The following KANK2 variants were observed in gnomAD, a reference collection of about 807,000 sequenced individuals.
The protein encoded by KANK2 is KN motif and ankyrin repeat domains 2.
Under a neutral mutation model 74.6 loss-of-function variants are expected in KANK2, and 41 were observed. The observed-to-expected ratio is 0.55, with a 90% CI of 0.43 to 0.71. The LOEUF (loss-of-function observed/expected upper bound fraction) is 0.71, where lower values mean the gene tolerates loss of function less well. KANK2 is among the 30% of genes least tolerant of loss of function. The pLI, the probability that KANK2 is intolerant of heterozygous loss-of-function variation, is 0.00. For missense variants in KANK2, 1,148 were observed against 1,196.4 expected, an observed-to-expected ratio of 0.96 and a Z score of 0.60; for synonymous variants, 537 against 519.0, an observed-to-expected ratio of 1.03 and a Z score of -0.47.
chr19:11,194,533 T>C lies in KANK2; in HGVS notation c.-22A>G, dbSNP rs2147637659. On this transcript the variant is annotated 5_prime_UTR_variant, in exon 3 of 13. Coordinates refer to ENST00000586659, the MANE Select transcript of KANK2 (RefSeq NM_001136191.3). ...CCATCTTCTTTTCTACAGATGCTCC[T>C]TGGAAGTCACTTGAGGGACTGCGAG... The C allele has an allele frequency of 1.2e-6, 2 of 1,608,802 alleles. No homozygotes were observed. Among genetic ancestry groups the C allele is most frequent in the African/African-American group, 1.3e-5 (1 of 74,958 alleles).
intron 4 of KANK2, among the ~76,000 whole-genome samples, chr19:11,186,699 CA>C (rs1035018430): frequency 2.7e-5 from 4 of 149,456 alleles, no homozygotes; most frequent in Admixed American, 6.6e-5. Context: ...AACTCTGTCT[CA>C]AAAAAAAAGA....
rs1568654084 is a variant in KANK2 at position 11,193,269 on chromosome 19, C to G, written c.811G>C (p.Val271Leu). Residue 271 changes from valine (V) to leucine (L), a missense_variant, in exon 4 of 13, where the codon GTT becomes CTT. Coordinates refer to ENST00000586659, the MANE Select transcript of KANK2 (RefSeq NM_001136191.3). This position sits in a 1 kb window ranked among gnomAD's most constrained non-coding sequence, Gnocchi z 9.6. Reference protein sequence around the residue: ...ALETRSVGTWVRERDLGMPDG... With the variant: ...ALETRSVGTWLRERDLGMPDG... ...GGCATGCCCAAGTCCCGTTCTCGAACCCAGGTGCCCACACTCCGGGTCTCC... is the reference window on the plus strand; with the variant it reads ...GGCATGCCCAAGTCCCGTTCTCGAAGCCAGGTGCCCACACTCCGGGTCTCC... 1 of 1,611,138 alleles carries G rather than the reference C, an allele frequency of 6.2e-7. No homozygotes were observed. The highest frequency in any genetic ancestry group is 8.5e-7 in the Non-Finnish European group (1 of 1,179,802).
At chr19:11,180,376 T>C (rs1326368214) in intron 4 of KANK2, among the ~76,000 whole-genome samples, 2 of 152,062 alleles carry the variant, frequency 1.3e-5, no homozygotes, top group Non-Finnish European at 2.9e-5. Flanking sequence ...ATTATAGGCA[T>C]GAGCCACTAT....
Position 11,184,232 on chromosome 19 carries a change from A to T in KANK2, c.1250-5512T>A, listed in dbSNP as rs1290946265. On this transcript the variant is annotated intron_variant, in intron 4 of 12. Coordinates refer to ENST00000586659, the MANE Select transcript of KANK2 (RefSeq NM_001136191.3). ...CTCTACTGATAATACAAAAATTAGCAGAGTATGCTGGCAGGCACCTGTAAT... is the reference window on the plus strand; with the variant it reads ...CTCTACTGATAATACAAAAATTAGCTGAGTATGCTGGCAGGCACCTGTAAT... 5.3e-5 allele frequency among the ~76,000 whole-genome samples: 8 copies of T among 150,244 alleles called. 3 individuals are homozygous for T. The highest frequency in any genetic ancestry group is 7.3e-5 in the African/African-American group (3 of 40,834).
intron 4 of KANK2, among the ~76,000 whole-genome samples, 173 bp from the exon 5 acceptor site, chr19:11,178,893 G>A (rs902048065): frequency 2.0e-5 from 3 of 152,196 alleles, no homozygotes; most frequent in Non-Finnish European, 2.9e-5. Context: ...AGGAAACTGA[G>A]GCACAGAGCT....
rs769617642 is a variant in KANK2 at position 11,173,043 on chromosome 19, C to T, written c.2149G>A (p.Asp717Asn). 1.2e-6 allele frequency: 2 copies of T among 1,614,128 alleles called. No homozygotes were observed. Among genetic ancestry groups the T allele is most frequent in the East Asian group, 2.2e-5 (1 of 44,884 alleles). The part of the protein sequence containing the change: ...LTALATLKTQ[D>N]DIETVLQLFR... ...AGCTGAAGGACAGTCTCGATGTCGT[C>T]CTGGGTCTTCAGGGTGGCCAGGGCG... Residue 717 changes from aspartate (D) to asparagine (N), a missense_variant, in exon 10 of 13, where the codon GAC becomes AAC. Asp to Asn is a conservative substitution (Grantham distance 23). Transcript: ENST00000586659.
intron 2 of KANK2, chr19:11,194,907 T>G: frequency 5.5e-6 from 1 of 181,356 alleles, no homozygotes; most frequent in Non-Finnish European, 1.2e-5. Context: ...GCCCCACCCT[T>G]CCTGCACCCC....
At chr19:11,178,223 T>G in intron 6 of KANK2, 122 bp downstream of exon 6, 3 of 857,456 alleles carry the variant, frequency 3.5e-6, no homozygotes, top group Non-Finnish European at 5.0e-6. Context: ...GTGTTGTGGT[T>G]TGATTAAACG....
intron 6 of KANK2, 118 bp downstream of exon 6, chr19:11,178,227 T>G: frequency 4.5e-6 from 4 of 881,602 alleles, no homozygotes; most frequent in Non-Finnish European, 6.4e-6. Context: ...TGTGGTTTGA[T>G]TAAACGAATT....
chr19:11,194,531 C>T lies in KANK2; in HGVS notation c.-20G>A. ...GGCCATCTTCTTTTCTACAGATGCT[C>T]CTTGGAAGTCACTTGAGGGACTGCG... is the stretch of plus-strand genomic sequence containing the variant. On this transcript the variant is annotated 5_prime_UTR_variant, in exon 3 of 13. Transcript: ENST00000586659. 1.9e-6 allele frequency: 3 copies of T among 1,609,338 alleles called. No individual in the cohort carries two copies. The highest frequency in any genetic ancestry group is 2.6e-6 in the Non-Finnish European group (3 of 1,176,374).
At chr19:11,197,663 G>C (rs889721523), upstream of KANK2, 13 of 151,780 alleles carry the variant, frequency 8.6e-5, no homozygotes, top group African/African-American at 1.4e-4. Flanking sequence ...CGGCCGCGGT[G>C]GGGGGTGGGG....
intron 9 of KANK2, among the ~76,000 whole-genome samples, chr19:11,174,228 A>C (rs2078264503): frequency 6.6e-6 from 1 of 152,152 alleles, no homozygotes; most frequent in African/African-American, 2.4e-5. Flanking sequence ...ACCCCACCCC[A>C]TTGAACTGGG....
At chr19:11,183,573 C>T (rs900819320) in intron 4 of KANK2, among the ~76,000 whole-genome samples, 4 of 152,180 alleles carry the variant, frequency 2.6e-5, no homozygotes, top group East Asian at 3.8e-4. Flanking sequence ...ATTCCAGCTT[C>T]GAACTCCTCG....
In KANK2 at chr19:11,192,858, T is replaced by C; in HGVS notation, c.1222A>G (p.Thr408Ala). The change falls in exon 4 of 13, where the codon ACA (threonine) becomes GCA (alanine). Residue 408 changes from threonine (T) to alanine (A), a missense_variant. Thr to Ala is a moderately conservative substitution (Grantham distance 58). Transcript: ENST00000586659. Reference protein sequence around the residue: ...NVHMVKKISITERSCDGAAGL... With the variant: ...NVHMVKKISIAERSCDGAAGL... ...GCTGCTCCATCGCAGCTTCGCTCTG[T>C]GATGCTAATCTTCTTCACCATATGG... is the stretch of plus-strand genomic sequence containing the variant. 6.3e-7 allele frequency: 1 copy of C among 1,576,658 alleles called. No homozygotes were observed. Among genetic ancestry groups the C allele is most frequent in the Non-Finnish European group, 8.6e-7 (1 of 1,158,302 alleles).
At chr19:11,197,223 G>A (rs372050998) in intron 1 of KANK2, 2 of 150,142 alleles carry the variant, frequency 1.3e-5, no homozygotes, top group Admixed American at 6.6e-5. Flanking sequence ...CAGGGCACGA[G>A]GAATCGATGG....
rs761142095 is a variant in KANK2 at position 11,193,969 on chromosome 19, G to A, written c.111C>T (p.Pro37=). 1.1e-5 allele frequency: 18 copies of A among 1,614,074 alleles called. No individual in the cohort carries two copies. Among genetic ancestry groups the A allele is most frequent in the Non-Finnish European group, 1.5e-5 (18 of 1,179,978 alleles). ...DPDPPYSVET[P]YGYRLDLDFL... ...AGTCCAGGTCCAGGCGGTAGCCATA[G>A]GGGGTCTCCACGGAGTAGGGTGGAT... Residue 37 remains proline, a synonymous_variant, in exon 4 of 13, where the codon CCC becomes CCT. Transcript: ENST00000586659. This position sits in a 1 kb window ranked among gnomAD's most constrained non-coding sequence, Gnocchi z 9.6.
Position 11,170,125 on chromosome 19 carries a change from C to A in KANK2, c.2335G>T (p.Ala779Ser). 1.2e-6 allele frequency: 2 copies of A among 1,613,142 alleles called. No individual in the cohort carries two copies. The highest frequency in any genetic ancestry group is 1.7e-6 in the Non-Finnish European group (2 of 1,180,030). The part of the protein sequence containing the change: ...DDDGSTALMC[A>S]CEHGHKEIAG... ...ATCTCCTTGTGGCCGTGCTCACAGG[C>A]GCACATGAGGGCCGTGGAGCCGTCA... The change falls in exon 11 of 13, where the codon GCC becomes TCC. Residue 779 changes from alanine (A) to serine (S), a missense_variant. Transcript: ENST00000586659. The surrounding 1 kb of genome is among the most constrained non-coding windows in gnomAD (Gnocchi z 5.2).
Position 11,178,736 on chromosome 19 carries a change from A to G in KANK2, c.1250-16T>C, listed in dbSNP as rs774496112. ...TCTGGGAGGCCTGGAGGGACAGGAA[A>G]TGAGTGTCTGCTCTTGGTCATAAAA... On this transcript the variant is annotated splice_polypyrimidine_tract_variant and intron_variant, in intron 4 of 12. Coordinates refer to ENST00000586659, the MANE Select transcript of KANK2 (RefSeq NM_001136191.3). The G allele has an allele frequency of 6.6e-6, 10 of 1,511,812 alleles. No individual in the cohort carries two copies. Among genetic ancestry groups the G allele is most frequent in the Non-Finnish European group, 8.8e-6 (10 of 1,134,406 alleles). 93.6% of individuals were successfully genotyped at this position (1,511,812 alleles called of 1,614,324 possible). A position where few individuals can be genotyped will look rare whatever the true frequency, so the allele number is the denominator to read the frequency against.
rs1431101542 is a variant in KANK2, at chr19:11,178,606, C to A, written c.1364G>T (p.Arg455Met). ...GGAGGCTGCTTGCCTGGTGGGCTCC[C>A]TGTGGGTGGGCTCCTGGGTGGGCAC... ...GRVPTQEPTH[R>M]EPTRQAASQE... Residue 455 changes from arginine (R) to methionine (M), a missense_variant, in exon 5 of 13, where the codon AGG (arginine) becomes ATG (methionine). By Grantham distance (91) the Arg-to-Met change is moderately conservative. Transcript: ENST00000586659. The A allele has an allele frequency of 6.2e-7, 1 of 1,602,644 alleles. No homozygotes were observed. The highest frequency in any genetic ancestry group is 8.5e-7 in the Non-Finnish European group (1 of 1,175,504).
Sources: gnomAD v4.1 joint callset for allele counts (sites outside exome capture counted in the v4.1 genomes callset) on GRCh38, gnomAD v4.1.1 for gene constraint, Gnocchi (gnomAD v3.1) non-coding constraint, MANE v1.5 for transcripts, NCBI Gene and HGNC (gene_info 2026-07-23, HGNC 2026-07-21) for gene names.